The following CSMD1 variants were observed in gnomAD, a reference collection of about 807,000 sequenced individuals.
The protein encoded by CSMD1 is CUB and sushi domain-containing protein 1.
CSMD1 carries 213 observed loss-of-function variants against 417.5 expected under a neutral mutation model. The observed-to-expected ratio is 0.51, with a 90% CI of 0.46 to 0.57. The LOEUF (loss-of-function observed/expected upper bound fraction) is 0.57. Among genes scored for constraint, CSMD1 ranks in the 20% least tolerant of loss-of-function variants. The probability of loss-of-function intolerance (pLI) is 0.00; values close to 1 mark genes in which losing one functional copy is unlikely to be tolerated. For synonymous variants in CSMD1, 2,862 were observed against 1,736.8 expected (o/e 1.65, Z -16.11); for missense variants, 6,923 against 4,529.7 (o/e 1.53, Z -15.17).
chr8:4,948,832 G>C (rs749320146), intron 1 of CSMD1, among the ~76,000 whole-genome samples: 1 of 152,006 alleles, frequency 6.6e-6, no homozygotes, highest in Non-Finnish European at 1.5e-5. Flanking sequence ...TGCAGCATAA[G>C]GATTTTTAGA....
chr8:4,820,074 T>C (rs1414157336), intron 1 of CSMD1, among the ~76,000 whole-genome samples: 1 of 152,192 alleles, frequency 6.6e-6, no homozygotes, highest in Non-Finnish European at 1.5e-5. Flanking sequence ...ACCTGCCTTG[T>C]ACCTCTGGTC....
chr8:3,473,102 C>T (rs563798874), intron 11 of CSMD1, among the ~76,000 whole-genome samples: 1 of 152,154 alleles, frequency 6.6e-6, no homozygotes, highest in Non-Finnish European at 1.5e-5. Context: ...AATTCTTACA[C>T]ATTGAAAAGA....
intron 8 of CSMD1, among the ~76,000 whole-genome samples, chr8:3,591,849 T>C (rs988731504): frequency 2.6e-5 from 4 of 151,936 alleles, no homozygotes; most frequent in South Asian, 2.1e-4. Context: ...ATAGATTAGA[T>C]AGATAAATAG....
At chr8:4,962,314 G>A (rs560632351) in intron 1 of CSMD1, among the ~76,000 whole-genome samples, 1 of 152,042 alleles carries the variant, frequency 6.6e-6, no homozygotes, top group African/African-American at 2.4e-5. Flanking sequence ...GGTCTCAAAA[G>A]AGCTTCCCAT....
chr8:3,239,967 A>C (rs1460919086), intron 26 of CSMD1, among the ~76,000 whole-genome samples: 5 of 151,702 alleles, frequency 3.3e-5, no homozygotes, highest in Admixed American at 2.0e-4. Context: ...GCCGGGGAGC[A>C]GAAAGTATAT....
intron 5 of CSMD1, among the ~76,000 whole-genome samples, chr8:3,907,701 G>C (rs1007577149): frequency 6.6e-6 from 1 of 152,162 alleles, no homozygotes; most frequent in African/African-American, 2.4e-5. Flanking sequence ...GTGGACTTCT[G>C]TGGATTGCTG....
intron 5 of CSMD1, among the ~76,000 whole-genome samples, chr8:3,901,492 T>C (rs763120441): frequency 7.9e-5 from 12 of 152,222 alleles, no homozygotes; most frequent in Non-Finnish European, 1.5e-4. Flanking sequence ...ACATGCATTG[T>C]CAGTTCTGAA....
chr8:3,065,341 G>A, intron 49 of CSMD1, among the ~76,000 whole-genome samples: 1 of 151,978 alleles, frequency 6.6e-6, no homozygotes, highest in East Asian at 1.9e-4. Flanking sequence ...CAGATAGAAA[G>A]ATAGATACAT....
intron 5 of CSMD1, among the ~76,000 whole-genome samples, chr8:3,835,976 T>A (rs985274763): frequency 6.6e-6 from 1 of 152,170 alleles, no homozygotes; most frequent in East Asian, 1.9e-4. Flanking sequence ...ACCTTGACTC[T>A]CTTATTATTT....
intron 30 of CSMD1, among the ~76,000 whole-genome samples, chr8:3,206,823 A>G (rs1797320381): frequency 6.6e-6 from 1 of 152,140 alleles, no homozygotes; most frequent in South Asian, 2.1e-4. Flanking sequence ...CACTTTTTAA[A>G]GCATCATGGA....
At chr8:3,853,065 TC>T (rs1431402859) in intron 5 of CSMD1, among the ~76,000 whole-genome samples, 1 of 152,132 alleles carries the variant, frequency 6.6e-6, no homozygotes, top group Non-Finnish European at 1.5e-5. Flanking sequence ...GCAACCCACG[TC>T]ACTCCATCCA....
At chr8:4,588,101 G>T (rs1459163217) in intron 2 of CSMD1, among the ~76,000 whole-genome samples, 1 of 152,092 alleles carries the variant, frequency 6.6e-6, no homozygotes, top group Non-Finnish European at 1.5e-5. Flanking sequence ...AATGCCTCTG[G>T]CTTCCCTCTA....
chr8:4,324,780 A>T (rs1441950781), intron 3 of CSMD1, among the ~76,000 whole-genome samples: 1 of 152,176 alleles, frequency 6.6e-6, no homozygotes, highest in Non-Finnish European at 1.5e-5. Flanking sequence ...AAACATCGAA[A>T]GTGTGTTTAC....
At chr8:4,126,795 G>T (rs1464665182) in intron 3 of CSMD1, among the ~76,000 whole-genome samples, 1 of 152,170 alleles carries the variant, frequency 6.6e-6, no homozygotes, top group Non-Finnish European at 1.5e-5. Context: ...ACTTCATTCT[G>T]GAGATGTGTC....
intron 1 of CSMD1, among the ~76,000 whole-genome samples, chr8:4,959,197 T>C (rs1298356864): frequency 6.6e-6 from 1 of 152,214 alleles, no homozygotes; most frequent in Admixed American, 6.5e-5. Context: ...GTACGTTCTG[T>C]TCAACGTTAC....
chr8:4,177,555 C>T (rs1362963512), intron 3 of CSMD1, among the ~76,000 whole-genome samples: 1 of 151,926 alleles, frequency 6.6e-6, no homozygotes, highest in Non-Finnish European at 1.5e-5. Context: ...TCAAAGCTAG[C>T]AGAAGGCAAG....
chr8:4,359,570 T>G (rs746444170), intron 3 of CSMD1, among the ~76,000 whole-genome samples: 3 of 152,252 alleles, frequency 2.0e-5, no homozygotes, highest in Non-Finnish European at 4.4e-5. Flanking sequence ...CCTGTGTTCC[T>G]TGGAGATTAC....
At chr8:4,315,430 T>G (rs1253432909) in intron 3 of CSMD1, among the ~76,000 whole-genome samples, 2 of 152,116 alleles carry the variant, frequency 1.3e-5, no homozygotes, top group Admixed American at 1.3e-4. Context: ...CAGCAAATAT[T>G]TGTAAAATAA....
At chr8:3,687,280 C>G (rs569918468) in intron 7 of CSMD1, among the ~76,000 whole-genome samples, 3 of 152,276 alleles carry the variant, frequency 2.0e-5, no homozygotes, top group Non-Finnish European at 4.4e-5. Context: ...CCAAAAAAGT[C>G]TGTGGTTACC....
Sources: allele counts gnomAD v4.1 joint callset (sites outside exome capture counted in the v4.1 genomes callset), GRCh38; gene constraint gnomAD v4.1.1; transcripts MANE v1.5; gene names NCBI Gene and HGNC (gene_info 2026-07-23, HGNC 2026-07-21).